SCN11A: variants seen among roughly 807,000 people sequenced by gnomAD.
SCN11A encodes sodium voltage-gated channel alpha subunit 11, also known as sodium channel protein type 11 subunit alpha.
In SCN11A, 122 loss-of-function variants were observed where a neutral mutation model predicts 162.2. The ratio of observed to expected loss-of-function variants is 0.75; its 90% confidence interval spans 0.65 to 0.87. The LOEUF is 0.87. Among genes scored for constraint, SCN11A ranks in the 40% least tolerant of loss-of-function variants. The pLI, the probability that SCN11A is intolerant of heterozygous loss-of-function variation, is 0.00. For synonymous variants in SCN11A, 758 were observed against 751.5 expected (o/e 1.01, Z -0.14); for missense variants, 2,015 against 2,181.6 (o/e 0.92, Z 1.52).
intron 19 of SCN11A, 145 bp downstream of exon 19, chr3:38,894,388 T>C: frequency 1.4e-6 from 1 of 701,774 alleles, no homozygotes. Flanking sequence ...GAACCTGTCC[T>C]GAGATGTGCA....
intron 4 of SCN11A, among the ~76,000 whole-genome samples, 41 bp downstream of exon 4, chr3:38,953,588 G>A (rs990757578): frequency 6.6e-6 from 1 of 152,168 alleles, no homozygotes; most frequent in Non-Finnish European, 1.5e-5. Flanking sequence ...GCCTTGACAT[G>A]AGATTAATGG....
intron 2 of SCN11A, among the ~76,000 whole-genome samples, chr3:38,974,694 CAA>C (rs773028321): frequency 1.9e-4 from 9 of 48,134 alleles, no homozygotes; most frequent in African/African-American, 2.5e-4. Context: ...GACTCCGTCT[CAA>C]AAAAAAAAAA....
intron 2 of SCN11A, among the ~76,000 whole-genome samples, chr3:38,961,461 G>A (rs747084591): frequency 4.6e-5 from 7 of 152,166 alleles, no homozygotes; most frequent in African/African-American, 7.2e-5. Context: ...CCACAGACGT[G>A]GGATCAGCCC....
intron 2 of SCN11A, among the ~76,000 whole-genome samples, chr3:39,004,503 G>C (rs1414432874): frequency 1.3e-5 from 2 of 151,968 alleles, no homozygotes; most frequent in Non-Finnish European, 2.9e-5. Flanking sequence ...TGAGTATTTG[G>C]GCTCTTTTTT....
intron 2 of SCN11A, among the ~76,000 whole-genome samples, chr3:38,978,794 G>A (rs1031140289): frequency 2.6e-5 from 4 of 152,156 alleles, no homozygotes; most frequent in Non-Finnish European, 5.9e-5. Flanking sequence ...CTTTGGCCCT[G>A]TCCCCTCCAG....
At chr3:39,041,280 C>A (rs1177999809) in intron 1 of SCN11A, among the ~76,000 whole-genome samples, 1 of 152,038 alleles carries the variant, frequency 6.6e-6, no homozygotes, top group Non-Finnish European at 1.5e-5. Flanking sequence ...AATAGAAAAC[C>A]TATTTGATGA....
intron 28 of SCN11A, among the ~76,000 whole-genome samples, chr3:38,861,054 A>G (rs2064955562): frequency 1.3e-5 from 2 of 152,240 alleles, no homozygotes; most frequent in African/African-American, 4.8e-5. Flanking sequence ...TTCAGGATAC[A>G]AAATCAATGT....
chr3:38,875,157 G>T (rs1173797339), intron 23 of SCN11A, among the ~76,000 whole-genome samples: 2 of 152,162 alleles, frequency 1.3e-5, no homozygotes, highest in East Asian at 3.8e-4. Flanking sequence ...TCACACCACA[G>T]TCTGCATGAT....
intron 21 of SCN11A, among the ~76,000 whole-genome samples, chr3:38,883,873 T>C (rs1417809445): frequency 6.6e-6 from 1 of 152,174 alleles, no homozygotes; most frequent in Non-Finnish European, 1.5e-5. Context: ...ATTTTTTTGG[T>C]AATCATAAAG....
intron 23 of SCN11A, among the ~76,000 whole-genome samples, chr3:38,879,719 T>C (rs2065276644): frequency 6.6e-6 from 1 of 152,172 alleles, no homozygotes; most frequent in Non-Finnish European, 1.5e-5. Context: ...ATGGGAAAGG[T>C]TGTAGTGGTG....
intron 27 of SCN11A, among the ~76,000 whole-genome samples, chr3:38,864,261 G>C (rs1187039889): frequency 6.6e-6 from 1 of 152,104 alleles, no homozygotes; most frequent in African/African-American, 2.4e-5. Flanking sequence ...CTTTGATGAG[G>C]GTTTGGGGTT....
rs776756209 is a variant in SCN11A at position 38,850,706 on chromosome 3, A to C, written c.4102T>G (p.Phe1368Val). The change falls in exon 29 of 30, where the codon TTT becomes GTT. Residue 1368 changes from phenylalanine (F) to valine (V), a missense_variant. Phe to Val is a conservative substitution (Grantham distance 50). Transcript: ENST00000302328. ...LVFDIVTSQI[F>V]DIIIISLIIL... ...ATGAGACTTATGATGATGATGTCAA[A>C]GATCTGGCTTGTGACTATGTCGAAC... 6.2e-7 allele frequency: 1 copy of C among 1,613,476 alleles called. No homozygotes were observed. Among genetic ancestry groups the C allele is most frequent in the South Asian group, 1.1e-5 (1 of 90,992 alleles).
chr3:38,950,063 ACCC>A, intron 5 of SCN11A, 30 bp downstream of exon 5: 5 of 62,396 alleles, frequency 8.0e-5, no homozygotes, highest in South Asian at 4.2e-4. Flanking sequence ...GAACACCCCC[ACCC>A]CCACCCCCCC....
At chr3:39,039,237 C>T (rs1042236933) in intron 1 of SCN11A, among the ~76,000 whole-genome samples, 1 of 152,188 alleles carries the variant, frequency 6.6e-6, no homozygotes, top group Admixed American at 6.5e-5. Flanking sequence ...CTAAAACCAC[C>T]GAAGCCCAGA....
At chr3:38,963,374 TATATATATATATGATGGAG>T (rs1456888575) in intron 2 of SCN11A, among the ~76,000 whole-genome samples, 121 of 85,266 alleles carry the variant, frequency 1.4e-3, no homozygotes, top group East Asian at 2.2e-3. Context: ...TATATATATA[TATATATATATATGATGGAG>T]ATATATATAT....
At chr3:38,929,172 C>CACACACACACACAT (rs139558791) in intron 7 of SCN11A, among the ~76,000 whole-genome samples, 2,198 of 79,812 alleles carry the variant, frequency 0.028, 25 homozygotes, top group Admixed American at 0.036. Flanking sequence ...CACACACACA[C>CACACACACACACAT]ATGTTTGGGA....
chr3:38,936,186 C>T (rs557543488), intron 7 of SCN11A, among the ~76,000 whole-genome samples: 2 of 152,054 alleles, frequency 1.3e-5, no homozygotes, highest in East Asian at 1.9e-4. Context: ...ATGCTAAAAA[C>T]TCTCAATAAA....
Position 38,863,043 on chromosome 3 carries a change from A to T in SCN11A, c.4056+152T>A, listed in dbSNP as rs183459329. ...CTCTTACTTTTGAGTTTGAGTATCT[A>T]ATTTTCCTAAGTGTTTGAATATGTC... On this transcript the variant is annotated intron_variant, in intron 28 of 29. Transcript: ENST00000302328. 9 of 573,350 alleles carry T rather than the reference A, an allele frequency of 1.6e-5. No individual in the cohort carries two copies. The East Asian group carries it at 2.4e-4, about 15-fold the overall frequency. 35.5% of individuals were successfully genotyped at this position (573,350 alleles called of 1,614,324 possible). A position where few individuals can be genotyped will look rare whatever the true frequency, so the allele number is the denominator to read the frequency against.
At chr3:38,881,613 G>C (rs758755252) in intron 22 of SCN11A, among the ~76,000 whole-genome samples, 1 of 152,070 alleles carries the variant, frequency 6.6e-6, no homozygotes, top group Non-Finnish European at 1.5e-5. Context: ...AAATCACCTA[G>C]GGAACTTGTT....
Sources: allele counts gnomAD v4.1 joint callset (sites outside exome capture counted in the v4.1 genomes callset), GRCh38; gene constraint gnomAD v4.1.1; transcripts MANE v1.5; gene names NCBI Gene and HGNC (gene_info 2026-07-23, HGNC 2026-07-21).